The following ABCC12 variants were observed in gnomAD, a reference collection of about 807,000 sequenced individuals.
The protein encoded by ABCC12 is ATP-binding cassette sub-family C member 12.
ABCC12 carries 142 observed loss-of-function variants against 151.1 expected under a neutral mutation model. The observed-to-expected ratio is 0.94, with a 90% CI of 0.82 to 1.08. ABCC12 has a LOEUF of 1.08. Ranked by LOEUF, ABCC12 falls within the 50% of genes least tolerant of loss-of-function variation. The pLI is 0.00. For missense variants in ABCC12, 1,638 were observed against 1,691.1 expected (o/e 0.97, Z 0.55); for synonymous variants, 645 against 646.4 (o/e 1.00, Z 0.03).
intron 13 of ABCC12, among the ~76,000 whole-genome samples, chr16:48,118,981 G>C (rs1963980223): frequency 6.6e-6 from 1 of 152,164 alleles, no homozygotes; most frequent in African/African-American, 2.4e-5. Context: ...TCCATCAGTG[G>C]GGGCTATAAT....
At chr16:48,110,733 G>C (rs1174513037) in intron 18 of ABCC12, among the ~76,000 whole-genome samples, 1 of 152,034 alleles carries the variant, frequency 6.6e-6, no homozygotes, top group African/African-American at 2.4e-5. Context: ...TGAGGGACCA[G>C]TCCGAAGGCC....
At chr16:48,149,139 T>A (rs751842645) in intron 2 of ABCC12, among the ~76,000 whole-genome samples, 17 of 147,902 alleles carry the variant, frequency 1.1e-4, no homozygotes, top group Admixed American at 4.1e-4. Context: ...AAATAAAGTA[T>A]AAATTATAAC....
At chr16:48,127,583 G>A (rs570797202) in intron 11 of ABCC12, among the ~76,000 whole-genome samples, 9 of 152,342 alleles carry the variant, frequency 5.9e-5, no homozygotes, top group Admixed American at 1.3e-4. Flanking sequence ...CCACTTGCTA[G>A]CTATGTGACC....
chr16:48,133,567 G>T, intron 9 of ABCC12, 120 bp downstream of exon 9: 2 of 1,149,238 alleles, frequency 1.7e-6, no homozygotes, highest in Non-Finnish European at 2.4e-6. Flanking sequence ...GTCACATCCT[G>T]TGGCCTGCCA....
At chr16:48,140,955 A>G (rs748296765) in intron 5 of ABCC12, 35 bp from the exon 6 acceptor site, 1 of 1,589,322 alleles carries the variant, frequency 6.3e-7, no homozygotes, top group Non-Finnish European at 8.6e-7. Flanking sequence ...AGAGAGGGCC[A>G]CTGAGGGCTG....
At position 48,138,215 on chromosome 16, in the gene ABCC12, A is replaced by G. The variant is rs1376306193; in HGVS notation, c.979+13T>C. On this transcript the variant is annotated intron_variant, in intron 8 of 30. Coordinates refer to ENST00000311303, the MANE Select transcript of ABCC12 (RefSeq NM_001393797.1). The stretch of plus-strand genomic sequence containing the variant: ...AAGGTAAGTGGTTCTTTAAGCAGCT[A>G]CTCTTGTCCTACCTTGGATAGTGTT... The G allele has an allele frequency of 1.3e-6, 2 of 1,591,516 alleles. No homozygotes were observed. Among genetic ancestry groups the G allele is most frequent in the African/African-American group, 1.3e-5 (1 of 74,532 alleles).
intron 24 of ABCC12, among the ~76,000 whole-genome samples, chr16:48,094,762 A>G (rs1217925833): frequency 1.3e-5 from 2 of 152,232 alleles, no homozygotes; most frequent in Non-Finnish European, 2.9e-5. Flanking sequence ...GGTACCTAAA[A>G]GCCAGCTCCC....
intron 6 of ABCC12, among the ~76,000 whole-genome samples, chr16:48,140,152 C>T (rs1258953218): frequency 1.3e-5 from 2 of 152,196 alleles, no homozygotes; most frequent in Non-Finnish European, 2.9e-5. Flanking sequence ...TCTTACCCCA[C>T]ACCACCTGGG....
In ABCC12 at chr16:48,096,814, A is replaced by G. The variant is rs1331233194; in HGVS notation, c.3127T>C (p.Leu1043=). 2.5e-6 allele frequency: 4 copies of G among 1,614,164 alleles called. No individual in the cohort carries two copies. In the East Asian group the frequency reaches 6.7e-5, roughly 27 times the overall value. The change falls in exon 24 of 31, where the codon TTG becomes CTG. Residue 1043 remains leucine, a synonymous_variant. Transcript: ENST00000311303. The stretch of plus-strand genomic sequence containing the variant: ...ATGGAGGAGAAACTCAGGGTCACCA[A>G]CAAGGCCACAGTGAAGGTAAGGATG... ...MNILTFTVAL[L]VTLSFSSIST...
chr16:48,135,689 G>GA (rs1289959681), intron 8 of ABCC12, among the ~76,000 whole-genome samples: 5 of 152,146 alleles, frequency 3.3e-5, no homozygotes, highest in East Asian at 3.9e-4. Context: ...GGAACTAAAT[G>GA]AAAAAACATT....
intron 6 of ABCC12, among the ~76,000 whole-genome samples, chr16:48,139,872 G>A (rs1445653943): frequency 6.6e-6 from 1 of 152,114 alleles, no homozygotes; most frequent in African/African-American, 2.4e-5. Flanking sequence ...TCTGAAGCGT[G>A]GCTGGGATGG....
At chr16:48,095,104 C>A (rs1963047234) in intron 24 of ABCC12, among the ~76,000 whole-genome samples, 1 of 152,230 alleles carries the variant, frequency 6.6e-6, no homozygotes, top group African/African-American at 2.4e-5. Context: ...CCACACAAAT[C>A]ATCTTGAATT....
At chr16:48,126,422 A>T (rs535867873) in intron 11 of ABCC12, among the ~76,000 whole-genome samples, 4 of 152,080 alleles carry the variant, frequency 2.6e-5, no homozygotes, top group Admixed American at 2.6e-4. Flanking sequence ...TGAACAAAAA[A>T]CCCTGACCCC....
At chr16:48,105,531 C>A (rs907172307) in intron 20 of ABCC12, among the ~76,000 whole-genome samples, 195 bp from the exon 21 acceptor site, 20 of 152,174 alleles carry the variant, frequency 1.3e-4, no homozygotes, top group African/African-American at 4.8e-4. Context: ...TGCTGGCACT[C>A]ATGACCCCAA....
intron 13 of ABCC12, among the ~76,000 whole-genome samples, chr16:48,119,338 A>G (rs775786816): frequency 2.0e-4 from 31 of 152,196 alleles, no homozygotes; most frequent in Middle Eastern, 3.2e-3. Context: ...AGACTTGAGC[A>G]TCTTAAGGGC....
At chr16:48,118,698 C>T (rs747600294) in intron 13 of ABCC12, among the ~76,000 whole-genome samples, 1 of 152,224 alleles carries the variant, frequency 6.6e-6, no homozygotes, top group Non-Finnish European at 1.5e-5. Context: ...CGGTTGCACA[C>T]AGGCCCCAAA....
chr16:48,143,840 C>T, intron 4 of ABCC12, 70 bp downstream of exon 4: 1 of 1,514,674 alleles, frequency 6.6e-7, no homozygotes. Flanking sequence ...TATAAATTAC[C>T]CACTCTCAGG....
In ABCC12 at chr16:48,133,829, C is replaced by T. The variant is rs758444578; in HGVS notation, c.986G>A (p.Arg329Lys). The T allele has an allele frequency of 6.8e-6, 11 of 1,614,152 alleles. No individual in the cohort carries two copies. The East Asian group carries it at 2.5e-4, about 36-fold the overall frequency. The change falls in exon 9 of 31, where the codon AGA becomes AAA. Residue 329 changes from arginine to lysine, a missense_variant. Coordinates refer to ENST00000311303, the MANE Select transcript of ABCC12 (RefSeq NM_001393797.1). The part of the protein sequence containing the change: ...KSFTNTIQDI[R>K]RRERKLLEKA... ...TTCCAGTAATTTTCTTTCCCTCCTT[C>T]TTATATCTGCAAAATAGAACACAGT... is the stretch of plus-strand genomic sequence containing the variant.
At chr16:48,095,189 TC>T (rs1963051085) in intron 24 of ABCC12, among the ~76,000 whole-genome samples, 1 of 152,130 alleles carries the variant, frequency 6.6e-6, no homozygotes, top group South Asian at 2.1e-4. Flanking sequence ...GGGGGCAGTT[TC>T]CCCCATACTG....
Sources: allele counts gnomAD v4.1 joint callset (sites outside exome capture counted in the v4.1 genomes callset), GRCh38; gene constraint gnomAD v4.1.1; transcripts MANE v1.5; gene names NCBI Gene and HGNC (gene_info 2026-07-23, HGNC 2026-07-21).